SNTG2: variants seen among roughly 807,000 people sequenced by gnomAD.
SNTG2 encodes syntrophin gamma 2, also known as gamma-2-syntrophin.
In SNTG2, 74 loss-of-function variants were observed where a neutral mutation model predicts 70.9. The observed-to-expected ratio is 1.04, with a 90% CI of 0.86 to 1.27. The LOEUF (loss-of-function observed/expected upper bound fraction) is 1.27. Among genes scored for constraint, SNTG2 ranks in the 50% most tolerant of loss-of-function variants. The probability of loss-of-function intolerance (pLI) is 0.00; values close to 1 mark genes in which losing one functional copy is unlikely to be tolerated. For synonymous variants in SNTG2, 278 were observed against 273.8 expected (o/e 1.02, Z -0.15); for missense variants, 717 against 690.7 (o/e 1.04, Z -0.43).
chr2:960,611 G>A (rs1029850452), intron 1 of SNTG2, among the ~76,000 whole-genome samples: 8 of 150,332 alleles, frequency 5.3e-5, no homozygotes, highest in African/African-American at 1.7e-4. Flanking sequence ...TGGGAGCACG[G>A]TGAGCTCTGA....
chr2:998,687 AAAAAGT>A (rs1164768701), intron 1 of SNTG2, among the ~76,000 whole-genome samples: 5 of 152,094 alleles, frequency 3.3e-5, no homozygotes, highest in Admixed American at 3.3e-4. Flanking sequence ...GAGGAAGAAG[AAAAAGT>A]AAAAGTTTGG....
intron 1 of SNTG2, among the ~76,000 whole-genome samples, chr2:1,029,527 A>G (rs1043842032): frequency 2.0e-5 from 3 of 152,224 alleles, no homozygotes; most frequent in African/African-American, 4.8e-5. Context: ...GAATTTGGTC[A>G]TTGTAGAAGT....
intron 11 of SNTG2, among the ~76,000 whole-genome samples, chr2:1,246,221 G>C (rs562633596): frequency 3.9e-5 from 6 of 152,192 alleles, no homozygotes; most frequent in South Asian, 2.1e-4. Flanking sequence ...TCGGCTACGC[G>C]TCCCCGCCCT....
At chr2:990,268 C>T (rs1661448173) in intron 1 of SNTG2, among the ~76,000 whole-genome samples, 2 of 152,224 alleles carry the variant, frequency 1.3e-5, no homozygotes, top group Admixed American at 1.3e-4. Context: ...TTGCTGTGTA[C>T]TTTGCAGGTG....
chr2:1,178,922 C>A (rs1414544973), intron 8 of SNTG2, among the ~76,000 whole-genome samples: 1 of 152,180 alleles, frequency 6.6e-6, no homozygotes, highest in East Asian at 1.9e-4. Context: ...AGCTTTGAAT[C>A]CATCTGGTCC....
rs545214554 is a variant in SNTG2, at chr2:1,114,007, C to G, written c.325+15597C>G. On this transcript the variant is annotated intron_variant, in intron 4 of 16. Coordinates refer to ENST00000308624, the MANE Select transcript of SNTG2 (RefSeq NM_018968.4). ...GTGGTGTGTACTAAGTGAGGTTTAACTCTTACAGTCCTTTGAGGAGGATCG... is the reference window on the plus strand; with the variant it reads ...GTGGTGTGTACTAAGTGAGGTTTAAGTCTTACAGTCCTTTGAGGAGGATCG... Among the ~76,000 whole-genome samples, 37 of 150,588 alleles carry G rather than the reference C, an allele frequency of 2.5e-4. 1 individual carries two copies. Among genetic ancestry groups the G allele is most frequent in the Admixed American group, 1.2e-3 (18 of 15,146 alleles).
intron 14 of SNTG2, among the ~76,000 whole-genome samples, chr2:1,272,800 C>T (rs1015980350): frequency 1.3e-5 from 2 of 150,090 alleles, no homozygotes; most frequent in Admixed American, 6.6e-5. Context: ...AAAGGACACC[C>T]CAGGGAGCGG....
In SNTG2 at chr2:1,353,238, G is replaced by A. The variant is rs1006097097; in HGVS notation, c.1489-14105G>A. 4.6e-5 allele frequency among the ~76,000 whole-genome samples: 7 copies of A among 152,002 alleles called. No individual in the cohort carries two copies. The highest frequency in any genetic ancestry group is 3.2e-3 in the Middle Eastern group (1 of 316). Reference sequence around the variant, plus strand: ...CCAGGTCACCTGTACACCACCTCCCGCCCACAGAAACAGTGGGCGGAAGGA... The same window carrying A: ...CCAGGTCACCTGTACACCACCTCCCACCCACAGAAACAGTGGGCGGAAGGA... On this transcript the variant is annotated intron_variant, in intron 16 of 16. Transcript: ENST00000308624. The surrounding 1 kb of genome is among the most constrained non-coding windows in gnomAD (Gnocchi z 4.2).
At chr2:1,071,869 A>G (rs1470913413) in intron 1 of SNTG2, among the ~76,000 whole-genome samples, 1 of 152,248 alleles carries the variant, frequency 6.6e-6, no homozygotes, top group Non-Finnish European at 1.5e-5. Flanking sequence ...TTGAATGGCC[A>G]GGATAGATCA....
At chr2:1,248,256 A>T (rs1474098636) in intron 12 of SNTG2, among the ~76,000 whole-genome samples, 1 of 152,194 alleles carries the variant, frequency 6.6e-6, no homozygotes, top group Admixed American at 6.5e-5. Context: ...ATCATTTCAG[A>T]TTTATGGAAA....
chr2:1,190,361 CT>C (rs1192773216), intron 8 of SNTG2, among the ~76,000 whole-genome samples: 3 of 151,386 alleles, frequency 2.0e-5, no homozygotes, highest in African/African-American at 7.3e-5. Context: ...TTCCTACTCT[CT>C]ATTTTTCTAT....
chr2:1,214,741 A>G (rs1461171294), intron 9 of SNTG2, among the ~76,000 whole-genome samples: 2 of 151,998 alleles, frequency 1.3e-5, no homozygotes, highest in African/African-American at 4.8e-5. Flanking sequence ...CTTTTTCATA[A>G]TTGTTCTTGT....
intron 8 of SNTG2, among the ~76,000 whole-genome samples, chr2:1,198,215 T>C (rs569076515): frequency 6.6e-6 from 1 of 152,090 alleles, no homozygotes; most frequent in African/African-American, 2.4e-5. Flanking sequence ...TATACCTATA[T>C]AAATATATGA....
chr2:1,024,605 G>A (rs1660373122), intron 1 of SNTG2, among the ~76,000 whole-genome samples: 1 of 152,082 alleles, frequency 6.6e-6, no homozygotes, highest in South Asian at 2.1e-4. Context: ...CAACTCCTGG[G>A]CTCAAGCGAT....
chr2:1,154,247 G>T (rs1456871886), intron 6 of SNTG2, among the ~76,000 whole-genome samples: 1 of 152,056 alleles, frequency 6.6e-6, no homozygotes, highest in African/African-American at 2.4e-5. Flanking sequence ...AGAGGCACTG[G>T]CTGCAGCTGC....
chr2:1,221,927 C>T (rs1183968653), intron 9 of SNTG2, among the ~76,000 whole-genome samples: 2 of 24,670 alleles, frequency 8.1e-5, no homozygotes, highest in Non-Finnish European at 8.1e-5. Context: ...CTCTCTCTGT[C>T]TCTCTCTGTC....
intron 4 of SNTG2, among the ~76,000 whole-genome samples, chr2:1,126,602 G>A (rs778914119): frequency 6.6e-6 from 1 of 152,112 alleles, no homozygotes; most frequent in Admixed American, 6.5e-5. Context: ...CCAGCAGTGT[G>A]AGTTTCCCTT....
chr2:1,206,667 C>A (rs1259624558), intron 8 of SNTG2, among the ~76,000 whole-genome samples: 10 of 152,104 alleles, frequency 6.6e-5, no homozygotes, highest in Admixed American at 2.6e-4. Context: ...TGAAAAGCGT[C>A]CTATGAAAGT....
chr2:1,194,033 G>T (rs1055021362), intron 8 of SNTG2, among the ~76,000 whole-genome samples: 1 of 152,240 alleles, frequency 6.6e-6, no homozygotes, highest in Non-Finnish European at 1.5e-5. Context: ...GATGAGGTAT[G>T]CACTGGACCA....
Sources: allele counts gnomAD v4.1 joint callset (sites outside exome capture counted in the v4.1 genomes callset), GRCh38; gene constraint gnomAD v4.1.1; non-coding constraint Gnocchi (gnomAD v3.1); transcripts MANE v1.5; gene names NCBI Gene and HGNC (gene_info 2026-07-23, HGNC 2026-07-21).